Variants in STK32B observed in about 807,000 individuals in gnomAD.
STK32B encodes serine/threonine-protein kinase 32B.
In STK32B, 43 loss-of-function variants were observed where a neutral mutation model predicts 52.6. The observed-to-expected ratio is 0.82, with a 90% CI of 0.64 to 1.05. The LOEUF (loss-of-function observed/expected upper bound fraction) is 1.05. Among genes scored for constraint, STK32B ranks in the 50% least tolerant of loss-of-function variants. The probability of loss-of-function intolerance (pLI) is 0.00; values close to 1 mark genes in which losing one functional copy is unlikely to be tolerated. For synonymous variants in STK32B, 238 were observed against 204.3 expected (o/e 1.17, Z -1.41); for missense variants, 621 against 534.6 (o/e 1.16, Z -1.59).
chr4:5,092,047 A>C (rs1713105568), intron 1 of STK32B, among the ~76,000 whole-genome samples: 1 of 152,240 alleles, frequency 6.6e-6, no homozygotes. Context: ...AAGGGAGTGG[A>C]ATTGAGAGTG....
intron 4 of STK32B, among the ~76,000 whole-genome samples, chr4:5,374,776 G>A (rs1034952074): frequency 2.0e-5 from 3 of 149,684 alleles, no homozygotes; most frequent in Non-Finnish European, 2.9e-5. Flanking sequence ...ATATTGACGG[G>A]GGCGGGGGGG....
intron 3 of STK32B, among the ~76,000 whole-genome samples, chr4:5,186,061 T>A (rs904753742): frequency 4.6e-5 from 7 of 152,194 alleles, no homozygotes; most frequent in African/African-American, 1.7e-4. Flanking sequence ...AGGAATTCAT[T>A]CATTAAGTCG....
chr4:5,036,566 G>C, the STK32B span, among the ~76,000 whole-genome samples: 2 of 151,722 alleles, frequency 1.3e-5, no homozygotes, highest in African/African-American at 4.8e-5. Context: ...AGGAACTAAA[G>C]CTTGTGTCAC....
At chr4:5,026,217 G>T in the STK32B span, among the ~76,000 whole-genome samples, 31 of 152,332 alleles carry the variant, frequency 2.0e-4, no homozygotes, top group African/African-American at 7.0e-4. Context: ...CCTGCAAGCT[G>T]TTCAGACAGG....
At chr4:5,419,821 C>T (rs575131690) in intron 6 of STK32B, among the ~76,000 whole-genome samples, 1 of 152,104 alleles carries the variant, frequency 6.6e-6, no homozygotes, top group Non-Finnish European at 1.5e-5. Flanking sequence ...AAATCTATAC[C>T]ATCATATCCC....
intron 3 of STK32B, among the ~76,000 whole-genome samples, chr4:5,224,800 A>G (rs1397873541): frequency 2.0e-5 from 3 of 152,190 alleles, no homozygotes; most frequent in Non-Finnish European, 2.9e-5. Flanking sequence ...AGTATAAATC[A>G]TATTAACTTA....
At chr4:5,266,384 G>A (rs1727058611) in intron 3 of STK32B, among the ~76,000 whole-genome samples, 1 of 152,156 alleles carries the variant, frequency 6.6e-6, no homozygotes, top group Admixed American at 6.5e-5. Context: ...ATGTCTCCAG[G>A]GAGTGACTGG....
chr4:5,427,778 GT>G (rs1393032356), intron 6 of STK32B, among the ~76,000 whole-genome samples: 2 of 151,980 alleles, frequency 1.3e-5, no homozygotes, highest in African/African-American at 2.4e-5. Context: ...GGTAATTGAT[GT>G]TTTCTCTCTG....
chr4:5,199,390 G>T (rs912989455), intron 3 of STK32B, among the ~76,000 whole-genome samples: 7 of 152,078 alleles, frequency 4.6e-5, no homozygotes, highest in Non-Finnish European at 4.4e-5. Context: ...GTTGCTATGT[G>T]ACCATGAATT....
chr4:5,098,479 T>C (rs1713520222), intron 1 of STK32B, among the ~76,000 whole-genome samples: 1 of 152,158 alleles, frequency 6.6e-6, no homozygotes, highest in African/African-American at 2.4e-5. Context: ...CATGAGTATG[T>C]GGTATGCATG....
At chr4:5,472,386 T>A (rs1448920240) in intron 11 of STK32B, among the ~76,000 whole-genome samples, 1 of 152,354 alleles carries the variant, frequency 6.6e-6, no homozygotes. Context: ...CGCTGCCTAC[T>A]TTTTTGGAAA....
intron 3 of STK32B, among the ~76,000 whole-genome samples, chr4:5,293,850 T>C (rs1005305856): frequency 2.0e-5 from 3 of 152,190 alleles, no homozygotes; most frequent in Admixed American, 2.0e-4. Flanking sequence ...GTTTTAGTCA[T>C]GAAGTCTTTG....
chr4:5,316,229 A>AT (rs1730695969), intron 3 of STK32B, among the ~76,000 whole-genome samples: 1 of 71,904 alleles, frequency 1.4e-5, no homozygotes, highest in Non-Finnish European at 2.2e-5. Context: ...TATATTATAT[A>AT]TACAATATTA....
chr4:5,257,288 TGAG>T lies in STK32B; in HGVS notation c.261-73931_261-73929del, dbSNP rs1478400056. Among the ~76,000 whole-genome samples, 308 of 151,620 alleles carry T rather than the reference TGAG, an allele frequency of 2.0e-3. 2 individuals carry two copies. Among genetic ancestry groups the T allele is most frequent in the African/African-American group, 7.2e-3 (298 of 41,148 alleles). On this transcript the variant is annotated intron_variant, in intron 3 of 11. Transcript: ENST00000282908. Reference sequence around the variant, plus strand: ...GTGAATGATGAAGTGAGTGAGTAAATGAGTGAGTGAATGAATGAATGAGTAGAT... The same window carrying T: ...GTGAATGATGAAGTGAGTGAGTAAATTGAGTGAATGAATGAATGAGTAGAT...
chr4:5,480,847 C>T (rs573036899), intron 11 of STK32B, among the ~76,000 whole-genome samples: 1 of 152,056 alleles, frequency 6.6e-6, no homozygotes, highest in South Asian at 2.1e-4. Context: ...GTGTTTTGTC[C>T]TTGCGATAGT....
chr4:5,135,565 T>C (rs567176604), intron 1 of STK32B, among the ~76,000 whole-genome samples: 2 of 152,246 alleles, frequency 1.3e-5, no homozygotes, highest in Non-Finnish European at 2.9e-5. Flanking sequence ...ACAAATAAAA[T>C]TGTTTTGTTA....
intron 4 of STK32B, among the ~76,000 whole-genome samples, chr4:5,361,537 A>G (rs536671731): frequency 2.0e-5 from 3 of 152,198 alleles, no homozygotes; most frequent in African/African-American, 7.2e-5. Context: ...ATGCCCAGCT[A>G]ATTTTTCTAT....
rs569386599 is a variant in STK32B, at chr4:5,304,158, C to A, written c.261-27062C>A. ...TTGGCTTAGTCTTGCTATGGCTATG[C>A]AGGCTCTTTTTTGATTCCATATGAA... is the stretch of plus-strand genomic sequence containing the variant. On this transcript the variant is annotated intron_variant, in intron 3 of 11. Coordinates refer to ENST00000282908, the MANE Select transcript of STK32B (RefSeq NM_018401.3). Among the ~76,000 whole-genome samples the A allele has an allele frequency of 3.3e-5, 5 of 152,152 alleles. No homozygotes were observed. The South Asian group carries it at 1.0e-3, about 32-fold the overall frequency.
At position 5,470,319 on chromosome 4, in the gene STK32B, T is replaced by G. The variant is rs56760097; in HGVS notation, c.1106+2249T>G. 0.012 allele frequency among the ~76,000 whole-genome samples: 1,782 copies of G among 152,206 alleles called. 39 individuals carry two copies. Among genetic ancestry groups the G allele is most frequent in the African/African-American group, 0.041 (1,697 of 41,518 alleles). ...GTCAGCCTATGGACACCATTGAGAT[T>G]TGGCATCGGGGATTGGAAGTGAGGC... On this transcript the variant is annotated intron_variant, in intron 11 of 11. Transcript: ENST00000282908. This position sits in a 1 kb window ranked among gnomAD's most constrained non-coding sequence, Gnocchi z 4.6.
Sources: gnomAD v4.1 joint callset for allele counts (sites outside exome capture counted in the v4.1 genomes callset) on GRCh38, gnomAD v4.1.1 for gene constraint, Gnocchi (gnomAD v3.1) non-coding constraint, MANE v1.5 for transcripts, NCBI Gene and HGNC (gene_info 2026-07-23, HGNC 2026-07-21) for gene names.